The following CHEK2 variants were observed in gnomAD, a reference collection of about 807,000 sequenced individuals.
CHEK2 encodes the protein checkpoint kinase 2, also known as serine/threonine-protein kinase Chk2.
A neutral mutation model predicts 69.1 loss-of-function variants in CHEK2; 71 were observed. That is an observed-to-expected ratio of 1.03 (90% CI 0.85 to 1.25). CHEK2 has a LOEUF of 1.25. CHEK2 is among the 50% of genes most tolerant of loss of function. The pLI, the probability that CHEK2 is intolerant of heterozygous loss-of-function variation, is 0.00. For missense variants in CHEK2, 664 were observed against 649.6 expected (o/e 1.02, Z -0.24); for synonymous variants, 189 against 226.9 (o/e 0.83, Z 1.50).
chr22:28,717,384 A>C (rs564794289), intron 5 of CHEK2, among the ~76,000 whole-genome samples: 8 of 152,222 alleles, frequency 5.3e-5, no homozygotes, highest in Admixed American at 1.3e-4. Flanking sequence ...TCTCAAGAAG[A>C]AAAAAATAAA....
chr22:28,734,390 C>T lies in CHEK2; in HGVS notation c.319+13G>A, dbSNP rs2146142990. The T allele has an allele frequency of 2.5e-6, 4 of 1,612,696 alleles. No individual in the cohort carries two copies. The highest frequency in any genetic ancestry group is 3.4e-6 in the Non-Finnish European group (4 of 1,178,808). On this transcript the variant is annotated intron_variant, in intron 2 of 14. Transcript: ENST00000404276. Reference sequence around the variant, plus strand: ...CTGAACAAAACGTGATACTATACAACAAAGGGTCTTACCAAGATTGGCAAA... The same window carrying T: ...CTGAACAAAACGTGATACTATACAATAAAGGGTCTTACCAAGATTGGCAAA...
intron 7 of CHEK2, among the ~76,000 whole-genome samples, chr22:28,707,923 G>A (rs5997386): frequency 0.048 from 6,570 of 137,762 alleles, 166 homozygotes; most frequent in Middle Eastern, 0.086. Context: ...TGCAAGCTCC[G>A]CCTCCCGGGT....
intron 5 of CHEK2, among the ~76,000 whole-genome samples, chr22:28,716,041 A>G (rs1396277956): frequency 1.2e-4 from 18 of 150,492 alleles, no homozygotes; most frequent in Admixed American, 1.1e-3. Flanking sequence ...AACTTTTTCT[A>G]TTTTTTCTAG....
At chr22:28,710,211 A>C in intron 6 of CHEK2, 152 bp from the exon 7 acceptor site, 1 of 590,370 alleles carries the variant, frequency 1.7e-6, no homozygotes, top group Non-Finnish European at 3.1e-6. Context: ...TCAATGACTT[A>C]AATACCTCAC....
intron 4 of CHEK2, among the ~76,000 whole-genome samples, chr22:28,724,276 C>T (rs1450395504): frequency 1.3e-5 from 2 of 151,896 alleles, no homozygotes; most frequent in African/African-American, 4.8e-5. Flanking sequence ...GGTGTGGTGG[C>T]AGGAGCCTGT....
In CHEK2 at chr22:28,700,349, T is replaced by C. The variant is rs529574096; in HGVS notation, c.909-412A>G. Among the ~76,000 whole-genome samples, 10 of 151,996 alleles carry C rather than the reference T, an allele frequency of 6.6e-5. 1 individual carries two copies. The highest frequency in any genetic ancestry group is 2.4e-4 in the African/African-American group (10 of 41,456). On this transcript the variant is annotated intron_variant, in intron 8 of 14. Transcript: ENST00000404276. ...GCCTTAGCCTCCCAAGTAGCTGGGA[T>C]TACAGGTATGCACCACCATGCCCGG...
chr22:28,738,192 G>A (rs981669628), intron 1 of CHEK2, among the ~76,000 whole-genome samples: 16 of 152,124 alleles, frequency 1.1e-4, no homozygotes, highest in Non-Finnish European at 1.8e-4. Flanking sequence ...GTGACAGAGC[G>A]AGACCCTGTC....
chr22:28,701,403 G>A (rs962674676), intron 8 of CHEK2, among the ~76,000 whole-genome samples: 1 of 151,890 alleles, frequency 6.6e-6, no homozygotes, highest in African/African-American at 2.4e-5. Context: ...GTAGAGACGG[G>A]GTTTTGCCAT....
rs876660970 is a variant in CHEK2, at chr22:28,694,129, A to G, written c.1376-12T>C. On this transcript the variant is annotated splice_polypyrimidine_tract_variant and intron_variant, in intron 12 of 14. Transcript: ENST00000404276. ...GACAAGGTCCAGAGCTAAAGCAACA[A>G]TTGGGCAAATCACAGTGAAAAGGAT... 2.4e-5 allele frequency: 37 copies of G among 1,555,366 alleles called. No homozygotes were observed. The highest frequency in any genetic ancestry group is 3.0e-5 in the Non-Finnish European group (34 of 1,142,692).
At chr22:28,704,481 C>T (rs1313241851) in intron 7 of CHEK2, among the ~76,000 whole-genome samples, 2 of 151,784 alleles carry the variant, frequency 1.3e-5, no homozygotes, top group African/African-American at 4.8e-5. Context: ...TACAGGCGTG[C>T]ACCACCACAC....
At chr22:28,688,188 T>C (rs1437826115) in intron 14 of CHEK2, among the ~76,000 whole-genome samples, 2 of 152,192 alleles carry the variant, frequency 1.3e-5, no homozygotes, top group African/African-American at 4.8e-5. Context: ...TAGATATTTC[T>C]CTCCCTTATG....
At chr22:28,721,636 T>TA (rs199835095) in intron 4 of CHEK2, 7,077 of 355,804 alleles carry the variant, frequency 0.02, no homozygotes, top group South Asian at 0.03. Context: ...TTTTCTCTAT[T>TA]AAAAAAAAAA....
chr22:28,716,811 C>G (rs1235263661), intron 5 of CHEK2, among the ~76,000 whole-genome samples: 1 of 152,146 alleles, frequency 6.6e-6, no homozygotes, highest in African/African-American at 2.4e-5. Context: ...TGGATCACCC[C>G]AAAAGGACCC....
At chr22:28,708,584 T>C (rs1207788490) in intron 7 of CHEK2, among the ~76,000 whole-genome samples, 1 of 151,976 alleles carries the variant, frequency 6.6e-6, no homozygotes, top group East Asian at 1.9e-4. Flanking sequence ...ACAACAGTAA[T>C]TGCTCCTCAG....
At chr22:28,706,857 A>T (rs550254883) in intron 7 of CHEK2, among the ~76,000 whole-genome samples, 5,497 of 152,284 alleles carry the variant, frequency 0.036, 231 homozygotes, top group African/African-American at 0.093. Context: ...CGGAGGTTGC[A>T]GTAAGCCGAG....
chr22:28,702,527 T>C lies in CHEK2; in HGVS notation c.908+978A>G, dbSNP rs190533905. ...TGCTGGGATTACAGATGTGAGCCAC[T>C]GCGCCCGGCCTTTTTTTTTTTTTTT... On this transcript the variant is annotated intron_variant, in intron 8 of 14. Coordinates refer to ENST00000404276, the MANE Select transcript of CHEK2 (RefSeq NM_007194.4). Among the ~76,000 whole-genome samples, 290 of 146,604 alleles carry C rather than the reference T, an allele frequency of 2.0e-3. 1 individual carries two copies. Among genetic ancestry groups the C allele is most frequent in the South Asian group, 3.7e-3 (17 of 4,556 alleles).
At chr22:28,694,310 G>A (rs1353593414) in intron 12 of CHEK2, among the ~76,000 whole-genome samples, 193 bp from the exon 13 acceptor site, 1 of 152,154 alleles carries the variant, frequency 6.6e-6, no homozygotes, top group Non-Finnish European at 1.5e-5. Flanking sequence ...GAATGATAAT[G>A]ACACTCCCTG....
At chr22:28,702,209 G>A (rs1282099692) in intron 8 of CHEK2, among the ~76,000 whole-genome samples, 1 of 146,186 alleles carries the variant, frequency 6.8e-6, no homozygotes, top group African/African-American at 2.5e-5. Context: ...TGCCCAGGCT[G>A]TATCCTGTAT....
intron 1 of CHEK2, among the ~76,000 whole-genome samples, chr22:28,741,136 G>C (rs2054543018): frequency 8.4e-6 from 1 of 119,570 alleles, no homozygotes; most frequent in African/African-American, 3.3e-5. Context: ...GCAACAGAGA[G>C]AGACTCCGTC....
Sources: gnomAD v4.1 joint callset for allele counts (sites outside exome capture counted in the v4.1 genomes callset) on GRCh38, gnomAD v4.1.1 for gene constraint, MANE v1.5 for transcripts, NCBI Gene and HGNC (gene_info 2026-07-23, HGNC 2026-07-21) for gene names.